Variants in PFKFB3 observed in about 807,000 individuals in gnomAD.
PFKFB3 encodes the protein 6-phosphofructo-2-kinase/fructose-2,6-biphosphatase 3.
Under a neutral mutation model 68.0 loss-of-function variants are expected in PFKFB3, and 33 were observed. The ratio of observed to expected loss-of-function variants is 0.49; its 90% CI spans 0.37 to 0.65. The LOEUF (loss-of-function observed/expected upper bound fraction) is 0.65. Among genes scored for constraint, PFKFB3 ranks in the 30% least tolerant of loss-of-function variants. PFKFB3 has a pLI of 0.00. For missense variants in PFKFB3, 586 were observed against 712.2 expected (o/e 0.82, Z 2.02); for synonymous variants, 315 against 288.2 (o/e 1.09, Z -0.94).
chr10:6,163,572 C>G (rs1262890958), intron 1 of PFKFB3, among the ~76,000 whole-genome samples: 1 of 152,094 alleles, frequency 6.6e-6, no homozygotes, highest in Non-Finnish European at 1.5e-5. Flanking sequence ...GCTCTGGGCA[C>G]GGTGCGCGCC....
At chr10:6,158,237 C>G (rs928949873) in intron 1 of PFKFB3, among the ~76,000 whole-genome samples, 1 of 151,620 alleles carries the variant, frequency 6.6e-6, no homozygotes, top group Non-Finnish European at 1.5e-5. Context: ...TGCAGTGAGC[C>G]GAGATTGCGC....
chr10:6,313,678 GA>G, the PFKFB3 span, among the ~76,000 whole-genome samples: 3 of 152,200 alleles, frequency 2.0e-5, no homozygotes, highest in Non-Finnish European at 2.9e-5. The surrounding 1 kb of genome is among the most constrained non-coding windows in gnomAD (Gnocchi z 4.2). Flanking sequence ...GCCTCTAGAT[GA>G]TGAGCTAATG....
Position 6,233,145 on chromosome 10 carries a change from G to T in PFKFB3, c.*203G>T. On this transcript the variant is annotated 3_prime_UTR_variant, in exon 15 of 15. Coordinates refer to ENST00000379775, the MANE Select transcript of PFKFB3 (RefSeq NM_004566.4). ...ACACCAGAAAGCCACGTGGGTCCCT[G>T]GCGCCCTGCCTTTAGCCGTGGGGCC... 1.8e-6 allele frequency: 1 copy of T among 558,960 alleles called. No individual in the cohort carries two copies. Among genetic ancestry groups the T allele is most frequent in the South Asian group, 2.2e-5 (1 of 45,048 alleles). 34.6% of individuals were successfully genotyped at this position (558,960 alleles called of 1,614,324 possible). A position where few individuals can be genotyped will look rare whatever the true frequency, so the allele number is the denominator to read the frequency against.
At chr10:6,163,951 G>A (rs1842047942) in intron 1 of PFKFB3, 1 of 152,460 alleles carries the variant, frequency 6.6e-6, no homozygotes, top group African/African-American at 2.4e-5. Flanking sequence ...GGCAAAGGAT[G>A]TTTTCCGAGA....
chr10:6,227,467 A>G (rs1335401045), intron 14 of PFKFB3, among the ~76,000 whole-genome samples: 2 of 152,160 alleles, frequency 1.3e-5, no homozygotes, highest in Admixed American at 6.5e-5. Context: ...GATGTCTGGA[A>G]TGTGACCTGG....
the PFKFB3 span, among the ~76,000 whole-genome samples, chr10:6,281,166 C>CAT: frequency 0.021 from 1,800 of 84,542 alleles, 205 homozygotes; most frequent in African/African-American, 0.061. Context: ...AGTATTCCAT[C>CAT]ATATATATAT....
intron 1 of PFKFB3, among the ~76,000 whole-genome samples, chr10:6,159,434 C>T (rs573082447): frequency 4.6e-5 from 7 of 151,752 alleles, no homozygotes; most frequent in Non-Finnish European, 1.0e-4. Flanking sequence ...CATGGTGGCT[C>T]ACACCTGTAA....
At chr10:6,166,851 CAG>C (rs938681212) in intron 1 of PFKFB3, among the ~76,000 whole-genome samples, 2 of 135,340 alleles carry the variant, frequency 1.5e-5, no homozygotes, top group African/African-American at 5.6e-5. Flanking sequence ...TTATTTGAGA[CAG>C]AGTTTGGCTC....
At position 6,195,546 on chromosome 10, in the gene PFKFB3, C is replaced by T. The variant is rs1440755991; in HGVS notation, c.17-18077C>T. 2.0e-5 allele frequency among the ~76,000 whole-genome samples: 3 copies of T among 152,180 alleles called. No homozygotes were observed. The South Asian group carries it at 6.2e-4, about 31-fold the overall frequency. On this transcript the variant is annotated intron_variant, in intron 1 of 14. Transcript: ENST00000379789. ...CCATGTCTGCATGGGGTCACTGCGG[C>T]CCAGGACTCAGACTTTCCTCTAGAA...
At chr10:6,211,524 G>A (rs1419053019) in intron 1 of PFKFB3, among the ~76,000 whole-genome samples, 1 of 152,134 alleles carries the variant, frequency 6.6e-6, no homozygotes, top group Non-Finnish European at 1.5e-5. Context: ...TCCTGATATG[G>A]CAGCTACAGC....
chr10:6,175,909 C>G (rs1389533536), intron 1 of PFKFB3, among the ~76,000 whole-genome samples: 2 of 152,214 alleles, frequency 1.3e-5, no homozygotes, highest in African/African-American at 2.4e-5. Context: ...AGTAGAAATC[C>G]ATACAATCAT....
At chr10:6,257,790 G>A (rs1199955792), downstream of PFKFB3, among the ~76,000 whole-genome samples, 1 of 152,164 alleles carries the variant, frequency 6.6e-6, no homozygotes, top group African/African-American at 2.4e-5. Context: ...TGGGAAGGGA[G>A]ATGGAAGGAA....
intron 1 of PFKFB3, among the ~76,000 whole-genome samples, chr10:6,173,609 A>T (rs1842375388): frequency 6.6e-6 from 1 of 152,034 alleles, no homozygotes; most frequent in Non-Finnish European, 1.5e-5. Context: ...CAAGGGAGGG[A>T]TGTTAGTAGA....
intron 8 of PFKFB3, 108 bp from the exon 9 acceptor site, chr10:6,221,273 G>T (rs546280565): frequency 1.5e-6 from 2 of 1,368,108 alleles, no homozygotes; most frequent in Admixed American, 2.3e-5. Flanking sequence ...GGGCCCCCAC[G>T]GTGTAACCAG....
chr10:6,169,797 A>G (rs1403476868), intron 1 of PFKFB3, among the ~76,000 whole-genome samples: 2 of 152,266 alleles, frequency 1.3e-5, no homozygotes, highest in South Asian at 2.1e-4. Flanking sequence ...GGGTCTGAGC[A>G]CCGAGGAAGG....
chr10:6,171,146 C>T (rs1842299172), intron 1 of PFKFB3, among the ~76,000 whole-genome samples: 1 of 152,174 alleles, frequency 6.6e-6, no homozygotes, highest in East Asian at 1.9e-4. Context: ...CTCCCGGGTG[C>T]AAGTGATTCT....
chr10:6,225,597 T>C (rs1178454359), intron 13 of PFKFB3, among the ~76,000 whole-genome samples: 2 of 152,186 alleles, frequency 1.3e-5, no homozygotes, highest in Non-Finnish European at 2.9e-5. Flanking sequence ...ACGCTGTCCC[T>C]CTCATGGGAG....
chr10:6,197,095 C>G (rs895315547), intron 1 of PFKFB3, among the ~76,000 whole-genome samples: 1 of 151,416 alleles, frequency 6.6e-6, no homozygotes, highest in African/African-American at 2.5e-5. Flanking sequence ...AGCGATTGTC[C>G]TGCCTCAGCC....
chr10:6,268,599 TG>T, the PFKFB3 span, among the ~76,000 whole-genome samples: 1 of 152,092 alleles, frequency 6.6e-6, no homozygotes, highest in Admixed American at 6.5e-5. Flanking sequence ...CACTCCAGCC[TG>T]GGTGACAGAA....
Sources: allele counts gnomAD v4.1 joint callset (sites outside exome capture counted in the v4.1 genomes callset), GRCh38; gene constraint gnomAD v4.1.1; non-coding constraint Gnocchi (gnomAD v3.1); transcripts MANE v1.5; gene names NCBI Gene and HGNC (gene_info 2026-07-23, HGNC 2026-07-21).